EPS15: variants seen among roughly 807,000 people sequenced by gnomAD.
EPS15 encodes epidermal growth factor receptor pathway substrate 15, also known as epidermal growth factor receptor substrate 15.
A neutral mutation model predicts 113.8 loss-of-function variants in EPS15; 72 were observed. The observed-to-expected ratio is 0.63, with a 90% CI of 0.52 to 0.77. EPS15 has a LOEUF of 0.77. Among genes scored for constraint, EPS15 ranks in the 30% least tolerant of loss-of-function variants. The pLI is 0.00. For missense variants in EPS15, 1,048 were observed against 1,045.8 expected, an observed-to-expected ratio of 1.00 and a Z score of -0.03; for synonymous variants, 344 against 363.4, an observed-to-expected ratio of 0.95 and a Z score of 0.61.
intron 21 of EPS15, among the ~76,000 whole-genome samples, chr1:51,369,491 T>C (rs1423543535): frequency 6.6e-6 from 1 of 152,196 alleles, no homozygotes; most frequent in Non-Finnish European, 1.5e-5. Flanking sequence ...ACCTCATTAG[T>C]ACCGCCTTTC....
chr1:51,391,149 T>C (rs1647313321), intron 21 of EPS15, among the ~76,000 whole-genome samples: 1 of 152,008 alleles, frequency 6.6e-6, no homozygotes, highest in Non-Finnish European at 1.5e-5. Context: ...AAATGATGAG[T>C]TCATGTCCTT....
At chr1:51,455,931 T>C (rs891625288) in intron 8 of EPS15, among the ~76,000 whole-genome samples, 4 of 151,868 alleles carry the variant, frequency 2.6e-5, no homozygotes, top group African/African-American at 9.7e-5. Flanking sequence ...GCCTAACTTT[T>C]ACAAATTTAC....
At chr1:51,431,801 G>A (rs1651760043) in intron 12 of EPS15, among the ~76,000 whole-genome samples, 2 of 151,976 alleles carry the variant, frequency 1.3e-5, no homozygotes, top group South Asian at 2.1e-4. Context: ...TTATCTGGCA[G>A]GACAAAATGA....
chr1:51,456,806 T>C (rs1202265549), intron 8 of EPS15, among the ~76,000 whole-genome samples: 1 of 152,206 alleles, frequency 6.6e-6, no homozygotes, highest in East Asian at 1.9e-4. Flanking sequence ...GTACAGATTA[T>C]GTTGCTCTAT....
intron 12 of EPS15, chr1:51,423,147 A>T: frequency 8.2e-7 from 1 of 1,214,476 alleles, no homozygotes; most frequent in Non-Finnish European, 1.1e-6. Context: ...AAAGCATACA[A>T]ATAAAGCTAT....
chr1:51,359,261 T>C (rs1646319713), intron 24 of EPS15, among the ~76,000 whole-genome samples: 1 of 151,192 alleles, frequency 6.6e-6, no homozygotes, highest in Non-Finnish European at 1.5e-5. Context: ...CCGGCCAACA[T>C]GGTGAAACCC....
chr1:51,442,723 CT>C (rs963548386), intron 11 of EPS15, among the ~76,000 whole-genome samples: 1 of 151,694 alleles, frequency 6.6e-6, no homozygotes, highest in African/African-American at 2.4e-5. Flanking sequence ...TAGGAATTTT[CT>C]TTTTTTTGCT....
intron 12 of EPS15, among the ~76,000 whole-genome samples, chr1:51,437,114 A>T (rs1329541685): frequency 6.6e-6 from 1 of 152,208 alleles, no homozygotes; most frequent in African/African-American, 2.4e-5. Flanking sequence ...ACCTAAAGGT[A>T]TCTCGCACTT....
chr1:51,422,046 T>TA (rs11330309), intron 12 of EPS15, 188 bp from the exon 13 acceptor site: 4,072 of 1,161,754 alleles, frequency 3.5e-3, no homozygotes, highest in South Asian at 5.3e-3. Flanking sequence ...GCTCCATTTG[T>TA]AAAAAAAAAA....
intron 1 of EPS15, among the ~76,000 whole-genome samples, chr1:51,493,386 G>A (rs557560410): frequency 6.0e-5 from 9 of 149,104 alleles, no homozygotes; most frequent in Admixed American, 2.0e-4. Flanking sequence ...TTAGCCAGGC[G>A]TGGTGGTGGG....
intron 8 of EPS15, 134 bp from the exon 9 acceptor site, chr1:51,448,269 G>A: frequency 2.1e-6 from 1 of 479,968 alleles, no homozygotes; most frequent in Non-Finnish European, 3.7e-6. Flanking sequence ...GGGAGGGAAA[G>A]AAGAGGAAAA....
intron 7 of EPS15, 44 bp from the exon 8 acceptor site, chr1:51,461,194 T>G: frequency 1.4e-6 from 2 of 1,380,610 alleles, no homozygotes; most frequent in Non-Finnish European, 2.1e-6. Flanking sequence ...TTCTTTCAGT[T>G]CATGTTCTAC....
chr1:51,368,488 T>A (rs1047392195), intron 21 of EPS15, among the ~76,000 whole-genome samples: 3 of 152,226 alleles, frequency 2.0e-5, no homozygotes, highest in Admixed American at 1.3e-4. Context: ...AGATGGCCTT[T>A]TCATTGATAC....
chr1:51,443,078 T>C (rs1652719562), intron 11 of EPS15, among the ~76,000 whole-genome samples: 1 of 152,198 alleles, frequency 6.6e-6, no homozygotes, highest in Non-Finnish European at 1.5e-5. Context: ...CAGTGATAAA[T>C]TCCCATTTCA....
At chr1:51,401,897 G>T (rs1648593331) in intron 18 of EPS15, among the ~76,000 whole-genome samples, 2 of 152,322 alleles carry the variant, frequency 1.3e-5, no homozygotes, top group South Asian at 4.1e-4. Context: ...CCAGCACTTT[G>T]GGAGGCCAAC....
In EPS15 at chr1:51,417,269, A is replaced by G. The variant is rs1465116825; in HGVS notation, c.1113+4517T>C. On this transcript the variant is annotated intron_variant, in intron 13 of 24. Transcript: ENST00000371733. ...TTATGATGAAACATAAATAATAGGG[A>G]GCTTCTTTTACATGAGGGTAATATG... Among the ~76,000 whole-genome samples, 5 of 152,172 alleles carry G rather than the reference A, an allele frequency of 3.3e-5. 1 individual carries two copies. The East Asian group carries it at 9.6e-4, about 29-fold the overall frequency.
intron 1 of EPS15, among the ~76,000 whole-genome samples, chr1:51,502,832 G>A (rs1156702138): frequency 2.0e-5 from 3 of 151,576 alleles, no homozygotes; most frequent in African/African-American, 4.8e-5. Context: ...TGGTGAAACC[G>A]CATCTCTACT....
intron 19 of EPS15, among the ~76,000 whole-genome samples, chr1:51,400,668 G>C (rs1054199868): frequency 7.4e-6 from 1 of 135,746 alleles, no homozygotes; most frequent in Non-Finnish European, 1.5e-5. Context: ...CTGCATTCCA[G>C]CCTGGGTGAC....
intron 1 of EPS15, among the ~76,000 whole-genome samples, chr1:51,514,375 T>TA (rs34317895): frequency 0.02 from 3,096 of 151,892 alleles, 114 homozygotes; most frequent in African/African-American, 0.07. Flanking sequence ...ATTTTTTTTT[T>TA]AAAAACTTTT....
Sources: gnomAD v4.1 joint callset for allele counts (sites outside exome capture counted in the v4.1 genomes callset) on GRCh38, gnomAD v4.1.1 for gene constraint, MANE v1.5 for transcripts, NCBI Gene and HGNC (gene_info 2026-07-23, HGNC 2026-07-21) for gene names.